The following DTWD1 variants were observed in gnomAD, a reference collection of about 807,000 sequenced individuals.
DTWD1 encodes DTW motif tRNA-uridine aminocarboxypropyltransferase 1, also known as tRNA-uridine aminocarboxypropyltransferase 1.
In DTWD1, 27 loss-of-function variants were observed where a neutral mutation model predicts 30.2. That is an observed-to-expected ratio of 0.90 (90% CI 0.66 to 1.23). DTWD1 has a LOEUF of 1.23. Ranked by LOEUF, DTWD1 falls within the 50% of genes most tolerant of loss-of-function variation. DTWD1 has a pLI of 0.00. For missense variants in DTWD1, 342 were observed against 348.8 expected, an observed-to-expected ratio of 0.98 and a Z score of 0.15; for synonymous variants, 99 against 113.1, an observed-to-expected ratio of 0.88 and a Z score of 0.79.
At position 49,654,297 on chromosome 15, in the gene DTWD1, G is replaced by A. The variant is rs1331723555; in HGVS notation, c.*10719G>A. On this transcript the variant is annotated 3_prime_UTR_variant, in exon 5 of 5. Coordinates refer to ENST00000403028, the MANE Select transcript of DTWD1 (RefSeq NM_001144955.2). ...TTAGTGAGACAAGAACTGTGGCCGG[G>A]GGCAGACTGTGATAGTTTTTGAAGA... 6.6e-6 allele frequency: 1 copy of A among 152,006 alleles called. No homozygotes were observed. Among genetic ancestry groups the A allele is most frequent in the Non-Finnish European group, 1.5e-5 (1 of 68,006 alleles). 9.4% of individuals were successfully genotyped at this position (152,006 alleles called of 1,614,324 possible).
Position 49,655,541 on chromosome 15 carries a change from A to G in DTWD1, c.*11963A>G, listed in dbSNP as rs2079173018. The G allele has an allele frequency of 6.6e-6, 1 of 152,006 alleles. No individual in the cohort carries two copies. Among genetic ancestry groups the G allele is most frequent in the African/African-American group, 2.4e-5 (1 of 41,432 alleles). The allele number at this position is 152,006 out of a possible 1,614,324, so 9.4% of individuals were successfully genotyped here. On this transcript the variant is annotated 3_prime_UTR_variant, in exon 5 of 5. Coordinates refer to ENST00000403028, the MANE Select transcript of DTWD1 (RefSeq NM_001144955.2). The stretch of plus-strand genomic sequence containing the variant: ...TCAGATTAGTCCACCCCATTAGAAC[A>G]AAAGCAACTTCTATAAATATTGAGA...
intron 4 of DTWD1, among the ~76,000 whole-genome samples, chr15:49,642,355 A>G (rs575978537): frequency 1.1e-4 from 17 of 152,178 alleles, no homozygotes; most frequent in Non-Finnish European, 2.4e-4. Flanking sequence ...CTGAGTTATA[A>G]CAAATGAGAG....
At chr15:49,630,195 A>T (rs1598647734) in intron 2 of DTWD1, among the ~76,000 whole-genome samples, 1 of 152,228 alleles carries the variant, frequency 6.6e-6, no homozygotes. Flanking sequence ...TGGTGAGAGG[A>T]GAAGGAAGAA....
intron 1 of DTWD1, among the ~76,000 whole-genome samples, chr15:49,623,435 T>C (rs948312908): frequency 2.6e-5 from 4 of 152,042 alleles, no homozygotes; most frequent in African/African-American, 7.3e-5. Context: ...GCTTTTTTTT[T>C]TTCTCTGTTT....
At chr15:49,627,088 T>A (rs2078854077) in intron 2 of DTWD1, among the ~76,000 whole-genome samples, 1 of 152,108 alleles carries the variant, frequency 6.6e-6, no homozygotes, top group Non-Finnish European at 1.5e-5. Context: ...TAATAATCAG[T>A]AATATAGTTA....
intron 1 of DTWD1, among the ~76,000 whole-genome samples, chr15:49,624,803 A>T (rs781306410): frequency 6.6e-6 from 1 of 152,338 alleles, no homozygotes; most frequent in African/African-American, 2.4e-5. Flanking sequence ...AGGGTTGAAT[A>T]TATCCCTGTC....
intron 4 of DTWD1, among the ~76,000 whole-genome samples, chr15:49,641,855 ATCT>A (rs1305142073): frequency 3.9e-5 from 6 of 152,110 alleles, no homozygotes; most frequent in African/African-American, 1.4e-4. Context: ...TTCTTTTAAA[ATCT>A]TCTCTTTATC....
At position 49,645,204 on chromosome 15, in the gene DTWD1, G is replaced by T. The variant is rs891999404; in HGVS notation, c.*1626G>T. On this transcript the variant is annotated 3_prime_UTR_variant, in exon 5 of 5. Coordinates refer to ENST00000403028, the MANE Select transcript of DTWD1 (RefSeq NM_001144955.2). The stretch of plus-strand genomic sequence containing the variant: ...TATTAACATGCCATGGAAATAGGAC[G>T]TTTGGAGTATTGTAATTAAGAACAA... The T allele has an allele frequency of 5.3e-5, 8 of 152,158 alleles. No individual in the cohort carries two copies. Among genetic ancestry groups the T allele is most frequent in the Non-Finnish European group, 1.0e-4 (7 of 68,022 alleles). 9.4% of individuals were successfully genotyped at this position (152,158 alleles called of 1,614,324 possible). A position where few individuals can be genotyped will look rare whatever the true frequency, so the allele number is the denominator to read the frequency against.
chr15:49,636,251 G>A (rs989740256), intron 4 of DTWD1, among the ~76,000 whole-genome samples: 15 of 150,288 alleles, frequency 1.0e-4, no homozygotes, highest in African/African-American at 3.7e-4. Flanking sequence ...CTATTTATCT[G>A]TTGATGGACA....
intron 3 of DTWD1, among the ~76,000 whole-genome samples, chr15:49,633,058 T>TATATATATATAG (rs1555588651): frequency 6.8e-6 from 1 of 146,360 alleles, no homozygotes; most frequent in East Asian, 1.9e-4. Context: ...TCTATATATA[T>TATATATATATAG]ATATATATAT....
intron 4 of DTWD1, among the ~76,000 whole-genome samples, chr15:49,642,419 C>T (rs1244908366): frequency 6.6e-6 from 1 of 152,092 alleles, no homozygotes; most frequent in Non-Finnish European, 1.5e-5. Flanking sequence ...AAGAGCAAGG[C>T]ATTCTACCTG....
intron 2 of DTWD1, among the ~76,000 whole-genome samples, chr15:49,628,699 C>T (rs1396809087): frequency 6.6e-6 from 1 of 151,666 alleles, no homozygotes; most frequent in African/African-American, 2.4e-5. Context: ...GATTGATATT[C>T]TTTACTTGTT....
rs752281743 is a variant in DTWD1, at chr15:49,655,797, G to A, written c.*12219G>A. On this transcript the variant is annotated 3_prime_UTR_variant, in exon 5 of 5. Transcript: ENST00000403028. ...TTATGATGTGGAAATTACTTTGCTG[G>A]CTGAAGTTGGGAATAGAAAACAGTA... 5.3e-5 allele frequency: 8 copies of A among 151,966 alleles called. No homozygotes were observed. Among genetic ancestry groups the A allele is most frequent in the Non-Finnish European group, 8.8e-5 (6 of 67,982 alleles). 9.4% of individuals were successfully genotyped at this position (151,966 alleles called of 1,614,324 possible). A position where few individuals can be genotyped will look rare whatever the true frequency, so the allele number is the denominator to read the frequency against.
At chr15:49,636,862 C>A (rs2079009412) in intron 4 of DTWD1, among the ~76,000 whole-genome samples, 1 of 152,118 alleles carries the variant, frequency 6.6e-6, no homozygotes, top group Non-Finnish European at 1.5e-5. Context: ...TGATAACTTT[C>A]ATTACTTGAT....
rs756380602 is a variant in DTWD1, at chr15:49,634,785, C to T, written c.658C>T (p.Arg220Ter). 5.1e-6 allele frequency: 8 copies of T among 1,561,738 alleles called. No homozygotes were observed. The highest frequency in any genetic ancestry group is 4.9e-5 in the South Asian group (4 of 81,106). Residue 220 changes from arginine (R) to a stop codon, truncating the protein, a stop_gained, in exon 4 of 5, where the codon CGA (arginine) becomes TGA (stop). Coordinates refer to ENST00000403028, the MANE Select transcript of DTWD1 (RefSeq NM_001144955.2). LOFTEE classifies it high-confidence loss of function. The part of the protein sequence containing the change: ...NQTNKIFTDE[R>*]LQGLLQVELK... ...AACAAACAAAATATTCACTGATGAG[C>T]GACTTCAAGGTAAAAAAAAAATGTT...
chr15:49,643,505 A>G lies in DTWD1; in HGVS notation c.842A>G (p.Tyr281Cys), dbSNP rs150720250. The G allele has an allele frequency of 1.6e-5, 25 of 1,609,076 alleles. No homozygotes were observed. The East Asian group carries it at 4.7e-4, about 30-fold the overall frequency. The change falls in exon 5 of 5, where the codon TAT becomes TGT. Residue 281 changes from tyrosine (Y) to cysteine (C), a missense_variant. Tyr to Cys is a radical substitution (Grantham distance 194). Coordinates refer to ENST00000403028, the MANE Select transcript of DTWD1 (RefSeq NM_001144955.2). Reference sequence around the variant, plus strand: ...CAATATGACAATCTTTTATTTTTCTATTCTTTTATGTACCAGTTGATAAAG... The same window carrying G: ...CAATATGACAATCTTTTATTTTTCTGTTCTTTTATGTACCAGTTGATAAAG... Reference protein sequence around the residue: ...RGQYDNLLFFYSFMYQLIKNA... With the variant: ...RGQYDNLLFFCSFMYQLIKNA...
chr15:49,638,883 A>G (rs1359761251), intron 4 of DTWD1, among the ~76,000 whole-genome samples: 1 of 152,188 alleles, frequency 6.6e-6, no homozygotes, highest in Non-Finnish European at 1.5e-5. Flanking sequence ...GAAGAATGAT[A>G]TAACATTCTT....
rs1435623063 is a variant in DTWD1, at chr15:49,647,880, G to A, written c.*4302G>A. On this transcript the variant is annotated 3_prime_UTR_variant, in exon 5 of 5. Transcript: ENST00000403028. ...AATAGGAGAGTGTGAAAAAGAACAAGCAATAAAAAAGATCTCAGAAATTTA... is the reference window on the plus strand; with the variant it reads ...AATAGGAGAGTGTGAAAAAGAACAAACAATAAAAAAGATCTCAGAAATTTA... The A allele has an allele frequency of 1.3e-5, 2 of 151,410 alleles. No individual in the cohort carries two copies. Among genetic ancestry groups the A allele is most frequent in the African/African-American group, 4.8e-5 (2 of 41,278 alleles). 9.4% of individuals were successfully genotyped at this position (151,410 alleles called of 1,614,324 possible).
chr15:49,624,920 A>G (rs1009833074), intron 1 of DTWD1, among the ~76,000 whole-genome samples, 193 bp from the exon 2 acceptor site: 1 of 152,224 alleles, frequency 6.6e-6, no homozygotes, highest in Non-Finnish European at 1.5e-5. Context: ...CCTGAACTTT[A>G]TATTTGAAAT....
Sources: gnomAD v4.1 joint callset for allele counts (sites outside exome capture counted in the v4.1 genomes callset) on GRCh38, gnomAD v4.1.1 for gene constraint, MANE v1.5 for transcripts, NCBI Gene and HGNC (gene_info 2026-07-23, HGNC 2026-07-21) for gene names.